IL1RL1: variants seen among roughly 807,000 people sequenced by gnomAD.
The protein encoded by IL1RL1 is interleukin-1 receptor-like 1.
In IL1RL1, 32 loss-of-function variants were observed where a neutral mutation model predicts 50.9. The ratio of observed to expected loss-of-function variants is 0.63; its 90% confidence interval spans 0.47 to 0.84. The LOEUF (loss-of-function observed/expected upper bound fraction) is 0.84. IL1RL1 is among the 40% of genes least tolerant of loss of function. The pLI, the probability that IL1RL1 is intolerant of heterozygous loss-of-function variation, is 0.00. For missense variants in IL1RL1, 773 were observed against 662.9 expected (o/e 1.17, Z -1.82); for synonymous variants, 275 against 236.0 (o/e 1.17, Z -1.51).
intron 1 of IL1RL1, among the ~76,000 whole-genome samples, chr2:102,329,680 A>G (rs1309250907): frequency 6.6e-6 from 1 of 152,252 alleles, no homozygotes. Flanking sequence ...TGGGCAAAGG[A>G]TATGAACAGA....
intron 2 of IL1RL1, 76 bp downstream of exon 2, chr2:102,338,401 C>A (rs935234415): frequency 4.8e-6 from 4 of 836,730 alleles, no homozygotes; most frequent in Admixed American, 2.4e-5. Flanking sequence ...TTGTTTTAAG[C>A]AGTTTGCTTC....
chr2:102,338,848 T>G lies in IL1RL1; in HGVS notation c.73T>G (p.Trp25Gly). 1 of 1,612,006 alleles carries G rather than the reference T, an allele frequency of 6.2e-7. No homozygotes were observed. Among genetic ancestry groups the G allele is most frequent in the Non-Finnish European group, 8.5e-7 (1 of 1,178,210 alleles). ...TCTTTTATTTGCAGGTAAACAATCA[T>G]GGGGCCTGGAAAATGAGGCTTTAAT... Reference protein sequence around the residue: ...STAAKFSKQSWGLENEALIVR... With the variant: ...STAAKFSKQSGGLENEALIVR... Residue 25 changes from tryptophan (W) to glycine (G), a missense_variant, in exon 3 of 11, where the codon TGG becomes GGG. By Grantham distance (184) the Trp-to-Gly change is radical. Transcript: ENST00000233954.
chr2:102,343,583 C>A lies in IL1RL1; in HGVS notation c.970+168C>A, dbSNP rs969514703. 31 of 1,496,476 alleles carry A rather than the reference C, an allele frequency of 2.1e-5. No individual in the cohort carries two copies. In the African/African-American group the frequency reaches 3.5e-4, roughly 17 times the overall value. The allele number at this position is 1,496,476 out of a possible 1,614,324, so 92.7% of individuals were successfully genotyped here. A position where few individuals can be genotyped will look rare whatever the true frequency, so the allele number is the denominator to read the frequency against. On this transcript the variant is annotated intron_variant, in intron 8 of 10. Coordinates refer to ENST00000233954, the MANE Select transcript of IL1RL1 (RefSeq NM_016232.5). The stretch of plus-strand genomic sequence containing the variant: ...TGCTGTCTGATCTTTGTAGACTGTT[C>A]CTGTTTGCTGGGAGCTTCTCTGCTG...
rs1269049630 is a variant in IL1RL1 at position 102,349,087 on chromosome 2, C to T, written c.1126C>T (p.Leu376Phe). The change falls in exon 10 of 11, where the codon CTC becomes TTC. Residue 376 changes from leucine (L) to phenylalanine (F), a missense_variant. Coordinates refer to ENST00000233954, the MANE Select transcript of IL1RL1 (RefSeq NM_016232.5). ...CTTGTTTTCATTTTCAGATGGAAAG[C>T]TCTATGATGCTTATGTTGTCTACCC... Reference protein sequence around the residue: ...KPYKTRNDGKLYDAYVVYPRN... With the variant: ...KPYKTRNDGKFYDAYVVYPRN... 2 of 1,612,926 alleles carry T rather than the reference C, an allele frequency of 1.2e-6. No homozygotes were observed. The highest frequency in any genetic ancestry group is 1.1e-5 in the South Asian group (1 of 91,020).
intron 1 of IL1RL1, among the ~76,000 whole-genome samples, chr2:102,311,898 C>A (rs12998468): frequency 4.8e-3 from 93 of 19,542 alleles, no homozygotes; most frequent in East Asian, 8.1e-3. Flanking sequence ...TATAATATAT[C>A]ATATATGTTA....
chr2:102,341,380 T>C (rs1406077105), intron 5 of IL1RL1: 1 of 1,133,694 alleles, frequency 8.8e-7, no homozygotes, highest in African/African-American at 1.7e-5. Flanking sequence ...ATTCTAAAAA[T>C]GTGTTTTCCA....
At chr2:102,331,910 A>C (rs111516925) in intron 1 of IL1RL1, among the ~76,000 whole-genome samples, 2,759 of 152,160 alleles carry the variant, frequency 0.018, 65 homozygotes, top group African/African-American at 0.061. Context: ...TCTACGAAAA[A>C]TACAAAAATT....
At chr2:102,322,542 T>C (rs1203472187) in intron 1 of IL1RL1, among the ~76,000 whole-genome samples, 1 of 152,200 alleles carries the variant, frequency 6.6e-6, no homozygotes, top group Non-Finnish European at 1.5e-5. Context: ...ATTTATCGTG[T>C]TGTGACAGAT....
At position 102,340,165 on chromosome 2, in the gene IL1RL1, C is replaced by A. The variant is rs762647461; in HGVS notation, c.340C>A (p.Pro114Thr). 3.8e-6 allele frequency: 6 copies of A among 1,597,838 alleles called. No homozygotes were observed. Among genetic ancestry groups the A allele is most frequent in the Non-Finnish European group, 5.1e-6 (6 of 1,171,932 alleles). Reference sequence around the variant, plus strand: ...TAAAAAACAATCAGATTGCAATGTTCCAGATTATTTGATGTATTCAACAGT... The same window carrying A: ...TAAAAAACAATCAGATTGCAATGTTACAGATTATTTGATGTATTCAACAGT... ...IYKKQSDCNVPDYLMYSTVSG... is the reference protein window; with the variant it reads ...IYKKQSDCNVTDYLMYSTVSG... Residue 114 changes from proline to threonine, a missense_variant, in exon 4 of 11, where the codon CCA (proline) becomes ACA (threonine). By Grantham distance (38) the Pro-to-Thr change is conservative. Transcript: ENST00000233954.
chr2:102,323,203 T>G (rs1182983727), intron 1 of IL1RL1, among the ~76,000 whole-genome samples: 2 of 149,550 alleles, frequency 1.3e-5, no homozygotes, highest in Admixed American at 6.7e-5. Flanking sequence ...AAGGGGGGAG[T>G]TATTGAGCCA....
At position 102,348,005 on chromosome 2, in the gene IL1RL1, A is replaced by G. The variant is rs1677830038; in HGVS notation, c.1031A>G (p.Asn344Ser). Residue 344 changes from asparagine (N) to serine (S), a missense_variant, in exon 9 of 11, where the codon AAT becomes AGT. Transcript: ENST00000233954. ...AVCSVFLMLI[N>S]VLVIILKMFW... is the part of the protein sequence containing the mutation. ...TGTAGTGTATTTTTAATGCTAATCAATGTCCTGGTTATCATCCTAAAAATG... is the reference window on the plus strand; with the variant it reads ...TGTAGTGTATTTTTAATGCTAATCAGTGTCCTGGTTATCATCCTAAAAATG... The G allele has an allele frequency of 1.3e-6, 2 of 1,583,786 alleles. No individual in the cohort carries two copies. Among genetic ancestry groups the G allele is most frequent in the Non-Finnish European group, 1.7e-6 (2 of 1,152,376 alleles).
chr2:102,317,598 T>C (rs780989916), intron 1 of IL1RL1, among the ~76,000 whole-genome samples: 75 of 152,138 alleles, frequency 4.9e-4, no homozygotes, highest in Non-Finnish European at 6.2e-4. Context: ...ACAAACTCAA[T>C]ATGTCAATTA....
In IL1RL1 at chr2:102,345,381, C is replaced by T. The variant is rs528491332; in HGVS notation, c.970+1966C>T. 195 of 985,234 alleles carry T rather than the reference C, an allele frequency of 2.0e-4. 1 individual carries two copies. The South Asian group carries it at 3.1e-3, about 15-fold the overall frequency. The allele number at this position is 985,234 out of a possible 1,614,324, so 61.0% of individuals were successfully genotyped here. The stretch of plus-strand genomic sequence containing the variant: ...GTTTGCTATATGAAGCATTGTATCC[C>T]GTATAAAAGGAAGGAAAGAGAGAAA... On this transcript the variant is annotated intron_variant, in intron 8 of 10. Coordinates refer to ENST00000233954, the MANE Select transcript of IL1RL1 (RefSeq NM_016232.5).
intron 1 of IL1RL1, among the ~76,000 whole-genome samples, chr2:102,315,627 A>C (rs1415660244): frequency 6.6e-6 from 1 of 151,966 alleles, no homozygotes; most frequent in Non-Finnish European, 1.5e-5. Flanking sequence ...GTGCAAAATT[A>C]TTTTCTTTTC....
intron 1 of IL1RL1, among the ~76,000 whole-genome samples, chr2:102,312,351 C>T (rs576709918): frequency 1.6e-4 from 24 of 150,630 alleles, no homozygotes; most frequent in African/African-American, 5.6e-4. Context: ...AGTAGTATTA[C>T]CAATGGGAAA....
intron 5 of IL1RL1, chr2:102,341,434 C>A: frequency 1.3e-6 from 1 of 746,166 alleles, no homozygotes; most frequent in South Asian, 3.0e-5. Flanking sequence ...GGAAAGATTT[C>A]ACAATCATAG....
intron 1 of IL1RL1, among the ~76,000 whole-genome samples, chr2:102,330,039 T>C (rs1677128755): frequency 2.0e-5 from 3 of 152,194 alleles, no homozygotes; most frequent in Admixed American, 6.6e-5. Context: ...CACATGCATA[T>C]ATATGTTTAT....
At chr2:102,342,839 G>C (rs1240048940) in intron 6 of IL1RL1, among the ~76,000 whole-genome samples, 197 bp from the exon 7 acceptor site, 2 of 152,090 alleles carry the variant, frequency 1.3e-5, no homozygotes, top group African/African-American at 4.8e-5. Flanking sequence ...TTCAAACCCA[G>C]CTGGGTGAAT....
chr2:102,333,153 G>A (rs1677220019), intron 1 of IL1RL1, among the ~76,000 whole-genome samples: 1 of 152,068 alleles, frequency 6.6e-6, no homozygotes, highest in Non-Finnish European at 1.5e-5. Flanking sequence ...ATTTGACCTA[G>A]GTTCTAACAG....
Sources: allele counts gnomAD v4.1 joint callset (sites outside exome capture counted in the v4.1 genomes callset), GRCh38; gene constraint gnomAD v4.1.1; transcripts MANE v1.5; gene names NCBI Gene and HGNC (gene_info 2026-07-23, HGNC 2026-07-21).